The following ZNF704 variants were observed in gnomAD, a reference collection of about 807,000 sequenced individuals.
ZNF704 encodes glucocorticoid induced gene 1.
Under a neutral mutation model 44.7 loss-of-function variants are expected in ZNF704, and 10 were observed. That is an observed-to-expected ratio of 0.22 (90% confidence interval 0.14 to 0.38). ZNF704 has a LOEUF of 0.38. Among genes scored for constraint, ZNF704 ranks in the 10% least tolerant of loss-of-function variants. The probability of loss-of-function intolerance (pLI) is 1.00; values close to 1 mark genes in which losing one functional copy is unlikely to be tolerated. For missense variants in ZNF704, 390 were observed against 545.5 expected (o/e 0.71, Z 2.84); for synonymous variants, 211 against 207.6 (o/e 1.02, Z -0.14).
chr8:80,754,701 A>G (rs982042757), intron 2 of ZNF704, among the ~76,000 whole-genome samples: 1 of 152,186 alleles, frequency 6.6e-6, no homozygotes, highest in Non-Finnish European at 1.5e-5. Context: ...GTAGATTGTA[A>G]GCCCTGCTCC....
At chr8:80,859,890 A>T (rs950882381) in intron 1 of ZNF704, among the ~76,000 whole-genome samples, 16 of 152,194 alleles carry the variant, frequency 1.1e-4, no homozygotes, top group Admixed American at 4.6e-4. Context: ...TTGCATTTAT[A>T]TACATGTATT....
chr8:80,755,463 A>G (rs994472705), intron 2 of ZNF704, among the ~76,000 whole-genome samples: 1 of 152,168 alleles, frequency 6.6e-6, no homozygotes, highest in African/African-American at 2.4e-5. Flanking sequence ...TCAAAAACAA[A>G]CAAACAAACA....
rs539377495 is a variant in ZNF704 at position 80,747,018 on chromosome 8, T to A, written c.222-53911A>T. Among the ~76,000 whole-genome samples the A allele has an allele frequency of 2.0e-5, 3 of 152,312 alleles. No individual in the cohort carries two copies. The South Asian group carries it at 6.2e-4, about 32-fold the overall frequency. On this transcript the variant is annotated intron_variant, in intron 2 of 8. Transcript: ENST00000327835. Reference sequence around the variant, plus strand: ...GTGTAGTCCTGAATCCAGTTTATACTGTCTTTGACAACATGCTGTCTTCCG... The same window carrying A: ...GTGTAGTCCTGAATCCAGTTTATACAGTCTTTGACAACATGCTGTCTTCCG...
intron 1 of ZNF704, among the ~76,000 whole-genome samples, chr8:80,835,186 A>T (rs942747800): frequency 6.6e-6 from 1 of 152,002 alleles, no homozygotes; most frequent in African/African-American, 2.4e-5. Context: ...ATTTTTTTTT[A>T]AATCCTTTCT....
In ZNF704 at chr8:80,759,720, C is replaced by G. The variant is rs928017200; in HGVS notation, c.221+61654G>C. Among the ~76,000 whole-genome samples, 3 of 152,148 alleles carry G rather than the reference C, an allele frequency of 2.0e-5. No homozygotes were observed. In the East Asian group the frequency reaches 5.8e-4, roughly 29 times the overall value. ...GTGAGCTTGGGAGAGGATCCCTCCC[C>G]ACTTGAGCTTCCAGATGATACTCCA... On this transcript the variant is annotated intron_variant, in intron 2 of 8. Transcript: ENST00000327835.
intron 2 of ZNF704, among the ~76,000 whole-genome samples, chr8:80,793,591 T>C (rs1807749608): frequency 1.3e-5 from 2 of 152,072 alleles, no homozygotes; most frequent in African/African-American, 4.8e-5. Context: ...GGTAGAATAA[T>C]AACAAAGTAT....
chr8:80,796,848 G>GA (rs1260649336), intron 2 of ZNF704, among the ~76,000 whole-genome samples: 1 of 146,356 alleles, frequency 6.8e-6, no homozygotes, highest in African/African-American at 2.6e-5. Context: ...AAAGAAAAAA[G>GA]AAAGAAAAGA....
intron 2 of ZNF704, among the ~76,000 whole-genome samples, chr8:80,807,694 T>C (rs1808013487): frequency 6.6e-6 from 1 of 152,202 alleles, no homozygotes; most frequent in African/African-American, 2.4e-5. Flanking sequence ...TATATTCATA[T>C]TTGTATATGT....
chr8:80,857,073 T>A (rs1408807502), intron 1 of ZNF704, among the ~76,000 whole-genome samples: 1 of 152,190 alleles, frequency 6.6e-6, no homozygotes, highest in Non-Finnish European at 1.5e-5. Flanking sequence ...TTTCATTAAT[T>A]TTATCCCTGT....
At chr8:80,733,677 T>C (rs1563535034) in intron 2 of ZNF704, among the ~76,000 whole-genome samples, 1 of 152,198 alleles carries the variant, frequency 6.6e-6, no homozygotes, top group African/African-American at 2.4e-5. Context: ...AAAGCCCTGC[T>C]ACATTTCTCA....
intron 6 of ZNF704, among the ~76,000 whole-genome samples, chr8:80,664,564 G>GCC (rs1818158606): frequency 6.6e-6 from 1 of 152,214 alleles, no homozygotes. Context: ...GAGCCACTGT[G>GCC]CCCAAGGGAT....
At chr8:80,673,049 T>C (rs1401069289) in intron 4 of ZNF704, among the ~76,000 whole-genome samples, 1 of 152,222 alleles carries the variant, frequency 6.6e-6, no homozygotes, top group Non-Finnish European at 1.5e-5. Flanking sequence ...ATAAATGATA[T>C]TTCATGATAT....
At chr8:80,720,380 C>T (rs1819145071) in intron 2 of ZNF704, among the ~76,000 whole-genome samples, 1 of 152,202 alleles carries the variant, frequency 6.6e-6, no homozygotes. Flanking sequence ...GAACTTTCTT[C>T]TCATAATGTT....
At chr8:80,724,148 A>T (rs73693874) in intron 2 of ZNF704, among the ~76,000 whole-genome samples, 26,308 of 151,866 alleles carry the variant, frequency 0.17, 4,611 homozygotes, top group African/African-American at 0.45. Flanking sequence ...CTTTTGTGAT[A>T]TTTTTTCTTC....
intron 7 of ZNF704, among the ~76,000 whole-genome samples, chr8:80,654,889 C>CACGTATGTT (rs1268053632): frequency 6.6e-6 from 1 of 152,168 alleles, no homozygotes; most frequent in African/African-American, 2.4e-5. Flanking sequence ...GACACATGCA[C>CACGTATGTT]ACGTATGTTT....
intron 2 of ZNF704, among the ~76,000 whole-genome samples, chr8:80,797,363 T>C (rs986857370): frequency 6.6e-6 from 1 of 152,212 alleles, no homozygotes; most frequent in East Asian, 1.9e-4. Flanking sequence ...AGGGGCTCTC[T>C]GCAGTGGCTC....
chr8:80,677,321 G>A (rs990598262), intron 4 of ZNF704, among the ~76,000 whole-genome samples: 1 of 152,124 alleles, frequency 6.6e-6, no homozygotes, highest in African/African-American at 2.4e-5. Flanking sequence ...AATATGTCAA[G>A]CATTTGTTTT....
At chr8:80,834,715 G>A (rs1315342102) in intron 1 of ZNF704, among the ~76,000 whole-genome samples, 1 of 152,120 alleles carries the variant, frequency 6.6e-6, no homozygotes, top group Non-Finnish European at 1.5e-5. Context: ...CCCGGTGTGT[G>A]ATGTTCCCCT....
chr8:80,641,286 A>G lies in ZNF704; in HGVS notation c.*80T>C. On this transcript the variant is annotated 3_prime_UTR_variant, in exon 9 of 9. Transcript: ENST00000327835. ...CTTCAACTGTGTTTTATTCAGTAGG[A>G]AAAGCTCTTTCCAACACCTGCAGTG... The G allele has an allele frequency of 1.1e-6, 1 of 938,412 alleles. No homozygotes were observed. The highest frequency in any genetic ancestry group is 1.8e-5 in the South Asian group (1 of 56,284). The allele number at this position is 938,412 out of a possible 1,614,324, so 58.1% of individuals were successfully genotyped here.
Sources: allele counts gnomAD v4.1 joint callset (sites outside exome capture counted in the v4.1 genomes callset), GRCh38; gene constraint gnomAD v4.1.1; transcripts MANE v1.5; gene names NCBI Gene and HGNC (gene_info 2026-07-23, HGNC 2026-07-21).